The following PI4KA variants were observed in gnomAD, a reference collection of about 807,000 sequenced individuals.
PI4KA encodes PI4-kinase alpha.
A neutral mutation model predicts 271.4 loss-of-function variants in PI4KA; 122 were observed. That is an observed-to-expected ratio of 0.45 (90% CI 0.39 to 0.52). The LOEUF (loss-of-function observed/expected upper bound fraction) is 0.52, where lower values mean the gene tolerates loss of function less well. Ranked by LOEUF, PI4KA falls within the 20% of genes least tolerant of loss-of-function variation. PI4KA has a pLI of 0.00. For missense variants in PI4KA, 1,969 were observed against 2,769.1 expected (o/e 0.71, Z 6.48); for synonymous variants, 1,041 against 1,078.8 (o/e 0.96, Z 0.69).
intron 4 of PI4KA, 48 bp downstream of exon 4, chr22:20,824,278 T>C: frequency 1.7e-6 from 2 of 1,157,334 alleles, no homozygotes; most frequent in Non-Finnish European, 1.3e-6. Context: ...TTTGGGACTC[T>C]ATTCAATCTA....
chr22:20,832,642 A>T (rs192072933), intron 3 of PI4KA, among the ~76,000 whole-genome samples: 1 of 152,148 alleles, frequency 6.6e-6, no homozygotes, highest in East Asian at 1.9e-4. Context: ...TTTAGTAGAG[A>T]TGGGGTTTCA....
At chr22:20,713,488 C>G (rs1357569788) in intron 47 of PI4KA, 98 bp from the exon 48 acceptor site, 2 of 926,306 alleles carry the variant, frequency 2.2e-6, no homozygotes, top group East Asian at 5.3e-5. Context: ...AAAGGAACCC[C>G]AGCAATCTTG....
rs549047757 is a variant in PI4KA, at chr22:20,729,526, G to A, written c.4489-20C>T. On this transcript the variant is annotated intron_variant, in intron 38 of 54. Coordinates refer to ENST00000255882, the MANE Select transcript of PI4KA (RefSeq NM_058004.4). ...AGTGGCCTGGCAAGATAAGACATAA[G>A]GCCTGATATGCACCCCTTCTGTGAG... The A allele has an allele frequency of 5.4e-5, 85 of 1,565,152 alleles. No individual in the cohort carries two copies. Among genetic ancestry groups the A allele is most frequent in the Admixed American group, 4.9e-4 (26 of 52,674 alleles).
At position 20,750,248 on chromosome 22, in the gene PI4KA, C is replaced by T. The variant is rs555064524; in HGVS notation, c.3154-254G>A. On this transcript the variant is annotated intron_variant, in intron 27 of 54. Transcript: ENST00000255882. ...TGTGTGCAGAGGAAATCTGGACACA[C>T]AGAAATACTGGGGCAGGGAGGAGGG... 2.7e-4 allele frequency among the ~76,000 whole-genome samples: 41 copies of T among 152,246 alleles called. 1 individual carries two copies. Among genetic ancestry groups the T allele is most frequent in the African/African-American group, 9.4e-4 (39 of 41,530 alleles).
intron 1 of PI4KA, among the ~76,000 whole-genome samples, chr22:20,846,673 T>G (rs1197612804): frequency 1.3e-5 from 2 of 151,206 alleles, no homozygotes; most frequent in African/African-American, 4.9e-5. Context: ...TGAAACCCCA[T>G]CTCTACTAAA....
chr22:20,842,592 C>G (rs1035030256), intron 1 of PI4KA, among the ~76,000 whole-genome samples: 2 of 152,012 alleles, frequency 1.3e-5, no homozygotes, highest in African/African-American at 4.8e-5. Flanking sequence ...GTGGGCGGAT[C>G]ACATGAGGCC....
In PI4KA at chr22:20,750,208, G is replaced by C. The variant is rs561999848; in HGVS notation, c.3154-214C>G. ...GGTAGGTCCTGATCCAATCTGGCCAGTATCCTTCCTTACGTGTGTGCAGAG... is the reference window on the plus strand; with the variant it reads ...GGTAGGTCCTGATCCAATCTGGCCACTATCCTTCCTTACGTGTGTGCAGAG... On this transcript the variant is annotated intron_variant, in intron 27 of 54. Coordinates refer to ENST00000255882, the MANE Select transcript of PI4KA (RefSeq NM_058004.4). Among the ~76,000 whole-genome samples the C allele has an allele frequency of 1.1e-4, 17 of 152,326 alleles. No individual in the cohort carries two copies. The South Asian group carries it at 3.5e-3, about 32-fold the overall frequency.
chr22:20,796,125 C>T, intron 18 of PI4KA, 21 bp downstream of exon 18: 1 of 1,601,682 alleles, frequency 6.2e-7, no homozygotes, highest in Non-Finnish European at 8.6e-7. Context: ...ATGGGGAAGG[C>T]ATAGCCATCC....
At chr22:20,759,607 C>CA (rs934781456) in intron 23 of PI4KA, among the ~76,000 whole-genome samples, 1 of 151,708 alleles carries the variant, frequency 6.6e-6, no homozygotes, top group Non-Finnish European at 1.5e-5. Flanking sequence ...ACTCTGTCAC[C>CA]AAGGCTGGAG....
At position 20,813,209 on chromosome 22, in the gene PI4KA, ACTTC is replaced by A. The variant is rs932277141; in HGVS notation, c.1005+145_1005+148del. ...ACAATGATTCCATGAATGTTACTCT[ACTTC>A]CTTCATTAATCTGCAAGTTTATGAC... On this transcript the variant is annotated intron_variant, in intron 8 of 54. Coordinates refer to ENST00000255882, the MANE Select transcript of PI4KA (RefSeq NM_058004.4). 7.0e-5 allele frequency: 43 copies of A among 617,006 alleles called. No homozygotes were observed. In the African/African-American group the frequency reaches 7.4e-4, roughly 11 times the overall value. 38.2% of individuals were successfully genotyped at this position (617,006 alleles called of 1,614,324 possible). A position where few individuals can be genotyped will look rare whatever the true frequency, so the allele number is the denominator to read the frequency against.
In PI4KA at chr22:20,835,178, C is replaced by T. The variant is rs192303251; in HGVS notation, c.274-523G>A. Among the ~76,000 whole-genome samples, 170 of 151,808 alleles carry T rather than the reference C, an allele frequency of 1.1e-3. 4 individuals carry two copies. Among genetic ancestry groups the T allele is most frequent in the Admixed American group, 0.011 (164 of 15,242 alleles). ...ACTTCATGTTTCCTCTTGTTCTTCT[C>T]AAGTTGAGCATCAGACTTTATAGCC... On this transcript the variant is annotated intron_variant, in intron 2 of 54. Coordinates refer to ENST00000255882, the MANE Select transcript of PI4KA (RefSeq NM_058004.4).
At chr22:20,766,529 G>A (rs1008965677) in intron 19 of PI4KA, among the ~76,000 whole-genome samples, 4 of 152,194 alleles carry the variant, frequency 2.6e-5, no homozygotes, top group Admixed American at 6.5e-5. Context: ...GCTGGGCGTG[G>A]TGGCAGGCAC....
intron 4 of PI4KA, among the ~76,000 whole-genome samples, chr22:20,823,382 G>C (rs1027700517): frequency 5.9e-5 from 9 of 152,038 alleles, no homozygotes; most frequent in Non-Finnish European, 8.8e-5. Context: ...AATAAATGAA[G>C]AATCTAAATT....
At chr22:20,796,119 G>A in intron 18 of PI4KA, 27 bp downstream of exon 18, 2 of 1,597,866 alleles carry the variant, frequency 1.3e-6, no homozygotes, top group South Asian at 2.2e-5. Context: ...ACACTGATGG[G>A]GAAGGCATAG....
At chr22:20,732,018 C>CA (rs1359829997) in intron 36 of PI4KA, among the ~76,000 whole-genome samples, 34 of 151,036 alleles carry the variant, frequency 2.3e-4, no homozygotes, top group African/African-American at 8.0e-4. Flanking sequence ...TAAAAAAATA[C>CA]AAAAAATTAG....
intron 26 of PI4KA, 131 bp downstream of exon 26, chr22:20,751,543 C>G (rs1286299774): frequency 3.1e-6 from 3 of 963,132 alleles, no homozygotes; most frequent in Non-Finnish European, 4.9e-6. Context: ...ACCCCCAACT[C>G]GACACCTGTA....
At chr22:20,764,346 T>C (rs923333632) in intron 22 of PI4KA, among the ~76,000 whole-genome samples, 2 of 152,180 alleles carry the variant, frequency 1.3e-5, no homozygotes, top group Non-Finnish European at 2.9e-5. Flanking sequence ...TCACTACCAC[T>C]GTTAGGACTG....
chr22:20,843,771 A>G (rs1047109698), intron 1 of PI4KA, among the ~76,000 whole-genome samples: 1 of 152,128 alleles, frequency 6.6e-6, no homozygotes, highest in African/African-American at 2.4e-5. Flanking sequence ...TCCTAACTAC[A>G]TCTTCCTTCT....
intron 14 of PI4KA, 37 bp downstream of exon 14, chr22:20,801,936 G>A (rs937617994): frequency 8.7e-6 from 14 of 1,607,232 alleles, no homozygotes; most frequent in Non-Finnish European, 1.1e-5. Context: ...CTTGTCTGGA[G>A]CACTGCTGTC....
Sources: allele counts gnomAD v4.1 joint callset (sites outside exome capture counted in the v4.1 genomes callset), GRCh38; gene constraint gnomAD v4.1.1; transcripts MANE v1.5; gene names NCBI Gene and HGNC (gene_info 2026-07-23, HGNC 2026-07-21).